ERBB3: variants seen among roughly 807,000 people sequenced by gnomAD.
The protein encoded by ERBB3 is receptor tyrosine-protein kinase erbB-3.
ERBB3 carries 96 observed loss-of-function variants against 156.7 expected under a neutral mutation model. That is an observed-to-expected ratio of 0.61 (90% CI 0.52 to 0.73). ERBB3 has a LOEUF of 0.73. Among genes scored for constraint, ERBB3 ranks in the 30% least tolerant of loss-of-function variants. The pLI is 0.00. For synonymous variants in ERBB3, 567 were observed against 632.0 expected, an observed-to-expected ratio of 0.90 and a Z score of 1.54; for missense variants, 1,406 against 1,709.4, an observed-to-expected ratio of 0.82 and a Z score of 3.13.
chr12:56,100,975 A>G, intron 26 of ERBB3, 86 bp from the exon 27 acceptor site: 1 of 1,067,182 alleles, frequency 9.4e-7, no homozygotes. Context: ...GGCAGTGAAC[A>G]ACCCAATATC....
intron 17 of ERBB3, chr12:56,096,275 C>T: frequency 1.7e-6 from 1 of 597,260 alleles, no homozygotes; most frequent in South Asian, 2.0e-5. Context: ...GCTCCTCCAT[C>T]AAAGGGAAAA....
At chr12:56,084,112 G>A (rs1211117609) in intron 2 of ERBB3, among the ~76,000 whole-genome samples, 1 of 152,156 alleles carries the variant, frequency 6.6e-6, no homozygotes, top group African/African-American at 2.4e-5. Context: ...AGGGGGCAGG[G>A]TCAGGGGCAG....
chr12:56,096,965 G>A lies in ERBB3; in HGVS notation c.2275-80G>A, dbSNP rs539116990. On this transcript the variant is annotated intron_variant, in intron 19 of 27. Coordinates refer to ENST00000267101, the MANE Select transcript of ERBB3 (RefSeq NM_001982.4). ...ATGTTAGCCAGAATGTTGGGGGTGG[G>A]GGGGCCTGGGCTGGCTGTGCACATG... 18 of 1,466,412 alleles carry A rather than the reference G, an allele frequency of 1.2e-5. No homozygotes were observed. The South Asian group carries it at 1.8e-4, about 15-fold the overall frequency. The allele number at this position is 1,466,412 out of a possible 1,614,324, so 90.8% of individuals were successfully genotyped here.
At position 56,098,638 on chromosome 12, in the gene ERBB3, A is replaced by AC. The variant is rs543912694; in HGVS notation, c.2692+68dup. ...CCCAGTTTCAAATTTACCTTTTGAG[A>AC]CCCCCTCTTAGAATCTCTAAGCACT... On this transcript the variant is annotated intron_variant, in intron 22 of 27. Transcript: ENST00000267101. 4,128 of 1,577,992 alleles carry AC rather than the reference A, an allele frequency of 2.6e-3. 11 individuals carry two copies. Among genetic ancestry groups the AC allele is most frequent in the South Asian group, 3.4e-3 (304 of 90,358 alleles).
In ERBB3 at chr12:56,087,661, C is replaced by T. The variant is rs550646668; in HGVS notation, c.613+19C>T. The stretch of plus-strand genomic sequence containing the variant: ...CAGACATGTGGGTTTGAAATTCCCT[C>T]CAAAAACTTCACTCATACGCTTTCA... On this transcript the variant is annotated intron_variant, in intron 5 of 27. Transcript: ENST00000267101. 1 of 1,612,938 alleles carries T rather than the reference C, an allele frequency of 6.2e-7. No individual in the cohort carries two copies. The highest frequency in any genetic ancestry group is 1.7e-5 in the Admixed American group (1 of 60,022).
At position 56,099,605 on chromosome 12, in the gene ERBB3, T is replaced by C. The variant is rs749453307; in HGVS notation, c.2840-43T>C. 1.1e-5 allele frequency: 17 copies of C among 1,549,598 alleles called. No homozygotes were observed. In the East Asian group the frequency reaches 3.8e-4, roughly 35 times the overall value. On this transcript the variant is annotated intron_variant, in intron 23 of 27. Coordinates refer to ENST00000267101, the MANE Select transcript of ERBB3 (RefSeq NM_001982.4). ...TGAGCCACCGCGCCCGGCCATGGAA[T>C]GTATTCTCTTTTATGTCTCTACCTC...
At chr12:56,089,652 C>G (rs1088697) in intron 9 of ERBB3, among the ~76,000 whole-genome samples, 2 of 151,360 alleles carry the variant, frequency 1.3e-5, no homozygotes, top group Non-Finnish European at 2.9e-5. Context: ...GGCTGAGGCA[C>G]GAGAATCACT....
Position 56,097,809 on chromosome 12 carries a change from G to A in ERBB3, c.2485G>A (p.Gly829Ser). 6.2e-7 allele frequency: 1 copy of A among 1,614,000 alleles called. No homozygotes were observed. Among genetic ancestry groups the A allele is most frequent in the Non-Finnish European group, 8.5e-7 (1 of 1,179,980 alleles). ...AKGMYYLEEHGMVHRNLAARN... is the reference protein window; with the variant it reads ...AKGMYYLEEHSMVHRNLAARN... ...GGGAATGTACTACCTTGAGGAACAT[G>A]GTATGGTGCATAGAAACCTGGCTGC... The change falls in exon 21 of 28, where the codon GGT (glycine) becomes AGT (serine). Residue 829 changes from glycine (G) to serine (S), a missense_variant. Around this residue, in one of 3 missense-constraint regions of ERBB3, gnomAD observed 979 missense variants for 1,219.6 expected, o/e 0.80. Transcript: ENST00000267101.
chr12:56,092,842 C>A (rs763910919), intron 10 of ERBB3, 22 bp downstream of exon 10: 2 of 1,608,730 alleles, frequency 1.2e-6, no homozygotes, highest in East Asian at 4.5e-5. Flanking sequence ...AGAGTTTGCC[C>A]TTTCTAGAAG....
chr12:56,101,501 A>G (rs1208880129), intron 27 of ERBB3, 28 bp from the exon 28 acceptor site: 1 of 1,611,724 alleles, frequency 6.2e-7, no homozygotes, highest in East Asian at 2.2e-5. Flanking sequence ...AGTTCTTCAC[A>G]TACCTAGCCT....
At chr12:56,084,749 G>A (rs1002733455) in intron 2 of ERBB3, among the ~76,000 whole-genome samples, 10 of 152,148 alleles carry the variant, frequency 6.6e-5, no homozygotes, top group African/African-American at 2.4e-4. Context: ...TTGGGAGGCT[G>A]CGGCAGGAGA....
At chr12:56,089,750 A>AG (rs1403515914) in intron 9 of ERBB3, among the ~76,000 whole-genome samples, 3 of 151,910 alleles carry the variant, frequency 2.0e-5, no homozygotes, top group Admixed American at 6.6e-5. Flanking sequence ...TCTCAAAAAA[A>AG]AAAAAGAAAA....
chr12:56,101,043 G>T lies in ERBB3; in HGVS notation c.3202-18G>T. 6.2e-7 allele frequency: 1 copy of T among 1,602,378 alleles called. No individual in the cohort carries two copies. Among genetic ancestry groups the T allele is most frequent in the Non-Finnish European group, 8.5e-7 (1 of 1,174,194 alleles). On this transcript the variant is annotated intron_variant, in intron 26 of 27. Coordinates refer to ENST00000267101, the MANE Select transcript of ERBB3 (RefSeq NM_001982.4). Reference sequence around the variant, plus strand: ...TGTAAATTTCCTTGCATTATTTTCTGTTTATTTTCTTCCTTAGGAGTCTGC... The same window carrying T: ...TGTAAATTTCCTTGCATTATTTTCTTTTTATTTTCTTCCTTAGGAGTCTGC...
At chr12:56,085,359 T>G in intron 3 of ERBB3, 178 bp downstream of exon 3, 1 of 1,463,842 alleles carries the variant, frequency 6.8e-7, no homozygotes. Flanking sequence ...TAGGGGGAGC[T>G]AGGGGCATCT....
Position 56,080,377 on chromosome 12 carries a change from A to C in ERBB3, c.77A>C (p.Gln26Pro). ...CGGGGCTCCGAGGTGGGCAACTCTC[A>C]GGCAGGTAAGTGGCGCGAGAGCACC... is the stretch of plus-strand genomic sequence containing the variant. ...LARGSEVGNS[Q>P]AVCPGTLNGL... Residue 26 changes from glutamine to proline, a missense_variant, in exon 1 of 28, where the codon CAG (glutamine) becomes CCG (proline). By Grantham distance (76) the Gln-to-Pro change is moderately conservative (BLOSUM62 -1). Transcript: ENST00000267101. 5 of 1,592,498 alleles carry C rather than the reference A, an allele frequency of 3.1e-6. No homozygotes were observed. The South Asian group carries it at 4.5e-5, about 14-fold the overall frequency.
Position 56,085,341 on chromosome 12 carries a change from G to C in ERBB3, c.421+160G>C, listed in dbSNP as rs548496368. 936 of 1,489,108 alleles carry C rather than the reference G, an allele frequency of 6.3e-4. 18 individuals are homozygous for C. The South Asian group carries it at 0.012, about 19-fold the overall frequency. 92.2% of individuals were successfully genotyped at this position (1,489,108 alleles called of 1,614,324 possible). On this transcript the variant is annotated intron_variant, in intron 3 of 27. Coordinates refer to ENST00000267101, the MANE Select transcript of ERBB3 (RefSeq NM_001982.4). ...TCCATTGCTCCCTAAGCAATAGAGG[G>C]CCCCCAGTAGGGGGAGCTAGGGGCA...
At chr12:56,087,164 AC>A (rs1456257220) in intron 4 of ERBB3, among the ~76,000 whole-genome samples, 7 of 151,152 alleles carry the variant, frequency 4.6e-5, no homozygotes, top group Non-Finnish European at 7.4e-5. Context: ...ATCCCTGAGT[AC>A]TAAGCAGGGA....
chr12:56,091,321 A>AAACATATATTATAAATATATAT (rs1257226452), intron 9 of ERBB3, among the ~76,000 whole-genome samples: 1 of 79,742 alleles, frequency 1.3e-5, no homozygotes, highest in African/African-American at 4.4e-5. Flanking sequence ...ATATAAATAT[A>AAACATATATTATAAATATATAT]TATATATAAA....
At position 56,092,766 on chromosome 12, in the gene ERBB3, C is replaced by A. The variant is rs1452978964; in HGVS notation, c.1129C>A (p.Pro377Thr). ...ATTCAGAGACCCCTGGCACAAGATC[C>A]CTGCCCTGGACCCAGAGAAGCTCAA... ...GLNGDPWHKI[P>T]ALDPEKLNVF... is the part of the protein sequence containing the mutation. Residue 377 changes from proline to threonine, a missense_variant, in exon 10 of 28, where the codon CCT becomes ACT. By Grantham distance (38) the Pro-to-Thr change is conservative. Coordinates refer to ENST00000267101, the MANE Select transcript of ERBB3 (RefSeq NM_001982.4). 6.2e-7 allele frequency: 1 copy of A among 1,614,060 alleles called. No homozygotes were observed. Among genetic ancestry groups the A allele is most frequent in the South Asian group, 1.1e-5 (1 of 91,080 alleles).
Sources: gnomAD v4.1 joint callset for allele counts (sites outside exome capture counted in the v4.1 genomes callset) on GRCh38, gnomAD v4.1.1 for gene constraint, gnomAD v4.1.1 regional missense constraint, MANE v1.5 for transcripts, NCBI Gene and HGNC (gene_info 2026-07-23, HGNC 2026-07-21) for gene names.